The following MOB3B variants were observed in gnomAD, a reference collection of about 807,000 sequenced individuals.
MOB3B encodes the protein MOB kinase activator 3B.
MOB3B carries 7 observed loss-of-function variants against 18.7 expected under a neutral mutation model. The ratio of observed to expected loss-of-function variants is 0.37; its 90% CI spans 0.21 to 0.70. The LOEUF is 0.70. MOB3B is among the 30% of genes least tolerant of loss of function. The pLI is 0.52. For missense variants in MOB3B, 253 were observed against 281.3 expected, an observed-to-expected ratio of 0.90 and a Z score of 0.72; for synonymous variants, 111 against 99.9, an observed-to-expected ratio of 1.11 and a Z score of -0.66.
intron 2 of MOB3B, among the ~76,000 whole-genome samples, chr9:27,408,345 C>T (rs1370491175): frequency 6.6e-6 from 1 of 152,152 alleles, no homozygotes; most frequent in Non-Finnish European, 1.5e-5. Context: ...TTGACACTAT[C>T]TAGCATCCAT....
chr9:27,496,245 A>C (rs759571525), intron 1 of MOB3B, among the ~76,000 whole-genome samples: 8 of 152,276 alleles, frequency 5.3e-5, no homozygotes, highest in Non-Finnish European at 1.2e-4. Flanking sequence ...AAGTTTGCCA[A>C]GTAAACCACT....
chr9:27,331,713 C>G (rs946680578), intron 3 of MOB3B, among the ~76,000 whole-genome samples: 7 of 152,304 alleles, frequency 4.6e-5, no homozygotes, highest in South Asian at 4.1e-4. Context: ...TTTCATGTCA[C>G]TTTAGTTAGA....
At chr9:27,508,672 G>A (rs1820094365) in intron 1 of MOB3B, among the ~76,000 whole-genome samples, 1 of 152,148 alleles carries the variant, frequency 6.6e-6, no homozygotes, top group South Asian at 2.1e-4. Context: ...AATGCAAGTG[G>A]GAAATCAAAG....
Sources: gnomAD v4.1 joint callset for allele counts (sites outside exome capture counted in the v4.1 genomes callset) on GRCh38, gnomAD v4.1.1 for gene constraint, MANE v1.5 for transcripts, NCBI Gene and HGNC (gene_info 2026-07-23, HGNC 2026-07-21) for gene names.